The following VPS13B variants were observed in gnomAD, a reference collection of about 807,000 sequenced individuals.
VPS13B encodes vacuolar protein sorting 13 homolog B, also known as intermembrane lipid transfer protein VPS13B.
In VPS13B, 285 loss-of-function variants were observed where a neutral mutation model predicts 426.4. That is an observed-to-expected ratio of 0.67 (90% confidence interval 0.61 to 0.74). The LOEUF (loss-of-function observed/expected upper bound fraction) is 0.74, where lower values mean the gene tolerates loss of function less well. Ranked by LOEUF, VPS13B falls within the 30% of genes least tolerant of loss-of-function variation. The probability of loss-of-function intolerance (pLI) is 0.00; values close to 1 mark genes in which losing one functional copy is unlikely to be tolerated. For missense variants in VPS13B, 4,537 were observed against 4,782.6 expected, an observed-to-expected ratio of 0.95 and a Z score of 1.51; for synonymous variants, 1,676 against 1,676.4, an observed-to-expected ratio of 1.00 and a Z score of 0.01.
chr8:99,544,906 A>T (rs1369231406), intron 30 of VPS13B, among the ~76,000 whole-genome samples: 1 of 152,188 alleles, frequency 6.6e-6, no homozygotes, highest in East Asian at 1.9e-4. Context: ...ATCCTTAGGC[A>T]CTACTCAGTG....
chr8:99,213,791 C>G (rs564464463), intron 17 of VPS13B, among the ~76,000 whole-genome samples: 1 of 148,894 alleles, frequency 6.7e-6, no homozygotes, highest in Non-Finnish European at 1.5e-5. Flanking sequence ...AAGCTTTCAT[C>G]TTGAACTGCC....
chr8:99,135,274 T>G, intron 10 of VPS13B, 137 bp downstream of exon 10: 1 of 1,316,788 alleles, frequency 7.6e-7, no homozygotes, highest in Non-Finnish European at 1.0e-6. Context: ...TTTCTCCCTG[T>G]GTTTCACCTG....
rs1475252891 is a variant in VPS13B, at chr8:99,619,874, CA to C, written c.5221-21933del. Among the ~76,000 whole-genome samples the C allele has an allele frequency of 4.9e-5, 7 of 142,330 alleles. No individual in the cohort carries two copies. The East Asian group carries it at 1.6e-3, about 32-fold the overall frequency. 93.4% of individuals were successfully genotyped at this position (142,330 alleles called of 152,430 possible). On this transcript the variant is annotated intron_variant, in intron 33 of 61. Transcript: ENST00000357162. The stretch of plus-strand genomic sequence containing the variant: ...TGGGTGACAGAGCAAGACCCTGTCT[CA>C]AAATGATGATGATAATAATAATAAT...
chr8:99,354,126 C>T (rs1812049728), intron 19 of VPS13B, among the ~76,000 whole-genome samples: 1 of 151,666 alleles, frequency 6.6e-6, no homozygotes, highest in Non-Finnish European at 1.5e-5. Context: ...AAAATAGAAA[C>T]ATTTGCTTTC....
At chr8:99,817,849 A>G in intron 45 of VPS13B, 46 bp downstream of exon 45, 1 of 1,613,650 alleles carries the variant, frequency 6.2e-7, no homozygotes, top group Non-Finnish European at 8.5e-7. Flanking sequence ...TTACCATTGA[A>G]ATTTTCTCAA....
chr8:99,668,795 A>G (rs987424621), intron 35 of VPS13B, among the ~76,000 whole-genome samples: 18 of 152,252 alleles, frequency 1.2e-4, no homozygotes, highest in African/African-American at 4.3e-4. Context: ...ACAAATTGGA[A>G]CCATTGCAGT....
intron 8 of VPS13B, among the ~76,000 whole-genome samples, chr8:99,127,121 G>A (rs1214439127): frequency 6.6e-6 from 1 of 151,612 alleles, no homozygotes; most frequent in South Asian, 2.1e-4. Context: ...AAAAAAGAAA[G>A]AAAAGAAAAT....
At chr8:99,533,099 C>T (rs117206283) in intron 30 of VPS13B, among the ~76,000 whole-genome samples, 2,657 of 151,714 alleles carry the variant, frequency 0.018, 36 homozygotes, top group South Asian at 0.03. Context: ...ACAACCACGC[C>T]GGCTAATTTT....
At chr8:99,822,617 A>G (rs1453428785) in intron 50 of VPS13B, among the ~76,000 whole-genome samples, 3 of 152,228 alleles carry the variant, frequency 2.0e-5, no homozygotes, top group Non-Finnish European at 2.9e-5. Context: ...TTGTGAATCA[A>G]TGAATGTACT....
chr8:99,051,957 A>C (rs539148858), intron 3 of VPS13B, among the ~76,000 whole-genome samples: 2 of 152,220 alleles, frequency 1.3e-5, no homozygotes, highest in East Asian at 1.9e-4. Context: ...TTCTCGATAT[A>C]CAATCATGTC....
chr8:99,084,314 T>C (rs1324643979), intron 3 of VPS13B, among the ~76,000 whole-genome samples: 18 of 152,234 alleles, frequency 1.2e-4, no homozygotes, highest in Non-Finnish European at 2.5e-4. Context: ...CTTTATCATA[T>C]TTTATTGCGT....
chr8:99,466,593 A>G (rs891456251), intron 23 of VPS13B, among the ~76,000 whole-genome samples: 46 of 152,308 alleles, frequency 3.0e-4, no homozygotes, highest in Admixed American at 1.8e-3. Context: ...TACCTGAGAT[A>G]AGTCAGTAAA....
intron 17 of VPS13B, among the ~76,000 whole-genome samples, chr8:99,201,206 T>C (rs1414361382): frequency 6.6e-6 from 1 of 152,156 alleles, no homozygotes; most frequent in Non-Finnish European, 1.5e-5. Context: ...CCAAAATAAC[T>C]GTATCTGACC....
chr8:99,871,254 C>T, intron 60 of VPS13B, 194 bp from the exon 61 acceptor site: 1 of 848,010 alleles, frequency 1.2e-6, no homozygotes, highest in South Asian at 1.6e-5. Flanking sequence ...AATCTTTGTT[C>T]CCAGGAGGAA....
Position 99,307,523 on chromosome 8 carries a change from T to C in VPS13B, c.2824+32269T>C, listed in dbSNP as rs375093501. Reference sequence around the variant, plus strand: ...TTTTTTTAATTCCTGAATATTGAGATACTGAGTCCCTTTTGGTTTGTTCCC... The same window carrying C: ...TTTTTTTAATTCCTGAATATTGAGACACTGAGTCCCTTTTGGTTTGTTCCC... On this transcript the variant is annotated intron_variant, in intron 19 of 61. Coordinates refer to ENST00000357162, the MANE Select transcript of VPS13B (RefSeq NM_152564.5). Among the ~76,000 whole-genome samples, 12 of 152,220 alleles carry C rather than the reference T, an allele frequency of 7.9e-5. No homozygotes were observed. The East Asian group carries it at 2.1e-3, about 27-fold the overall frequency.
chr8:99,439,576 C>T (rs1244120209), intron 22 of VPS13B, among the ~76,000 whole-genome samples: 2 of 151,944 alleles, frequency 1.3e-5, no homozygotes, highest in Non-Finnish European at 2.9e-5. Flanking sequence ...ATATAGAGAA[C>T]ATTTGGTACT....
rs1226798393 is a variant in VPS13B at position 99,136,543 on chromosome 8, T to TTCTGGTCATCC, written c.1564-121_1564-120insCTGGTCATCCT. ...TAAATTCTTGGAATAACCTCTGTTCTTTTGGTCATCCTTTGTGTTGTTATA... is the reference window on the plus strand; with the variant it reads ...TAAATTCTTGGAATAACCTCTGTTCTTCTGGTCATCCTTTGGTCATCCTTTGTGTTGTTATA... On this transcript the variant is annotated intron_variant, in intron 11 of 61. Transcript: ENST00000357162. The TTCTGGTCATCC allele has an allele frequency of 1.6e-5, 15 of 965,536 alleles. No individual in the cohort carries two copies. The East Asian group carries it at 3.5e-4, about 23-fold the overall frequency. The allele number at this position is 965,536 out of a possible 1,614,324, so 59.8% of individuals were successfully genotyped here. A position where few individuals can be genotyped will look rare whatever the true frequency, so the allele number is the denominator to read the frequency against.
intron 16 of VPS13B, among the ~76,000 whole-genome samples, chr8:99,178,227 T>TA (rs1442481826): frequency 1.1e-4 from 16 of 152,090 alleles, no homozygotes; most frequent in Non-Finnish European, 1.6e-4. Context: ...TACATATGTA[T>TA]ACATGTGCCA....
chr8:99,245,037 G>A (rs1236724549), intron 17 of VPS13B, among the ~76,000 whole-genome samples: 2 of 152,186 alleles, frequency 1.3e-5, no homozygotes, highest in Non-Finnish European at 2.9e-5. Context: ...TATTCTCATT[G>A]TTGGCTCTCT....
Sources: gnomAD v4.1 joint callset for allele counts (sites outside exome capture counted in the v4.1 genomes callset) on GRCh38, gnomAD v4.1.1 for gene constraint, MANE v1.5 for transcripts, NCBI Gene and HGNC (gene_info 2026-07-23, HGNC 2026-07-21) for gene names.